RAPGEF4: variants seen among roughly 807,000 people sequenced by gnomAD.
RAPGEF4 encodes Rap guanine nucleotide exchange factor 4, also known as RAP guanine-nucleotide-exchange factor (GEF) 4.
A neutral mutation model predicts 147.9 loss-of-function variants in RAPGEF4; 66 were observed. That is an observed-to-expected ratio of 0.45 (90% CI 0.37 to 0.55). The LOEUF (loss-of-function observed/expected upper bound fraction) is 0.55, where lower values mean the gene tolerates loss of function less well. Ranked by LOEUF, RAPGEF4 falls within the 20% of genes least tolerant of loss-of-function variation. The probability of loss-of-function intolerance (pLI) is 0.00; values close to 1 mark genes in which losing one functional copy is unlikely to be tolerated. For synonymous variants in RAPGEF4, 419 were observed against 442.7 expected, an observed-to-expected ratio of 0.95 and a Z score of 0.67; for missense variants, 1,071 against 1,257.3, an observed-to-expected ratio of 0.85 and a Z score of 2.24.
intron 1 of RAPGEF4, among the ~76,000 whole-genome samples, chr2:172,772,666 T>A (rs1269037462): frequency 6.6e-6 from 1 of 152,222 alleles, no homozygotes; most frequent in Non-Finnish European, 1.5e-5. Context: ...TAAAATGAAA[T>A]GAGTTTGTTT....
intron 13 of RAPGEF4, 54 bp downstream of exon 13, chr2:172,988,326 G>C (rs1436446465): frequency 6.4e-7 from 1 of 1,558,312 alleles, no homozygotes; most frequent in African/African-American, 1.4e-5. Context: ...TACTAGTGTG[G>C]CTCTAAGTAT....
chr2:173,001,226 C>T (rs766037630), intron 16 of RAPGEF4, 40 bp from the exon 17 acceptor site: 11 of 1,609,854 alleles, frequency 6.8e-6, no homozygotes, highest in Non-Finnish European at 9.3e-6. Context: ...AAGATTTCCA[C>T]AAGAACCTAA....
intron 1 of RAPGEF4, among the ~76,000 whole-genome samples, chr2:172,792,474 G>A (rs915488234): frequency 1.3e-5 from 2 of 152,158 alleles, no homozygotes; most frequent in African/African-American, 4.8e-5. Flanking sequence ...CAGAGACTGG[G>A]CACACACACA....
At chr2:172,937,106 A>G (rs756151878) in intron 6 of RAPGEF4, among the ~76,000 whole-genome samples, 2 of 148,840 alleles carry the variant, frequency 1.3e-5, no homozygotes, top group Non-Finnish European at 3.0e-5. Flanking sequence ...TTGCAGTCCT[A>G]CCTACTTGGG....
chr2:172,898,823 G>C (rs891960514), intron 4 of RAPGEF4, among the ~76,000 whole-genome samples: 4 of 152,162 alleles, frequency 2.6e-5, no homozygotes, highest in Non-Finnish European at 5.9e-5. Context: ...TTTTTGTCCA[G>C]ATTAGCTGTG....
chr2:173,023,785 G>T (rs1696349480), intron 23 of RAPGEF4, among the ~76,000 whole-genome samples: 1 of 152,188 alleles, frequency 6.6e-6, no homozygotes, highest in African/African-American at 2.4e-5. Context: ...AAAAGAAGGA[G>T]CAAGGTGTAC....
At chr2:173,047,057 G>A (rs1166303771) in intron 29 of RAPGEF4, among the ~76,000 whole-genome samples, 1 of 152,132 alleles carries the variant, frequency 6.6e-6, no homozygotes, top group Non-Finnish European at 1.5e-5. Flanking sequence ...CTCTTTCCCT[G>A]GGTGGAGCCT....
At chr2:172,763,481 G>A (rs1360154415) in intron 1 of RAPGEF4, among the ~76,000 whole-genome samples, 4 of 152,106 alleles carry the variant, frequency 2.6e-5, no homozygotes, top group Non-Finnish European at 5.9e-5. Flanking sequence ...CATACACAGG[G>A]GAGATCAGAT....
intron 29 of RAPGEF4, among the ~76,000 whole-genome samples, chr2:173,038,882 G>T (rs981731833): frequency 9.2e-5 from 14 of 152,184 alleles, no homozygotes; most frequent in African/African-American, 3.4e-4. Context: ...TGAGTTTTGA[G>T]ATCTTGGTGT....
intron 29 of RAPGEF4, among the ~76,000 whole-genome samples, chr2:173,044,931 G>A (rs2012213): frequency 0.28 from 43,157 of 152,052 alleles, 6,606 homozygotes; most frequent in East Asian, 0.63. Context: ...CCGGCCTGGC[G>A]TTATAGAAAG....
chr2:172,899,842 C>A (rs1698884943), intron 4 of RAPGEF4, among the ~76,000 whole-genome samples: 2 of 152,116 alleles, frequency 1.3e-5, no homozygotes, highest in Admixed American at 1.3e-4. Flanking sequence ...AAGGAGAAGG[C>A]AGGCTGTGGA....
At position 172,951,173 on chromosome 2, in the gene RAPGEF4, A is replaced by G. The variant is rs551207571; in HGVS notation, c.538-9587A>G. ...ACTAGGAAGAGGGGAATTACTTAGTATTCCTCTCTGTCAGTAAGTTTCTAC... is the reference window on the plus strand; with the variant it reads ...ACTAGGAAGAGGGGAATTACTTAGTGTTCCTCTCTGTCAGTAAGTTTCTAC... On this transcript the variant is annotated intron_variant, in intron 6 of 30. Coordinates refer to ENST00000397081, the MANE Select transcript of RAPGEF4 (RefSeq NM_007023.4). 1.6e-4 allele frequency among the ~76,000 whole-genome samples: 24 copies of G among 152,362 alleles called. 1 individual carries two copies. The South Asian group carries it at 5.0e-3, about 32-fold the overall frequency.
At chr2:172,950,058 A>T (rs978092818) in intron 6 of RAPGEF4, among the ~76,000 whole-genome samples, 3 of 152,184 alleles carry the variant, frequency 2.0e-5, no homozygotes, top group African/African-American at 7.2e-5. Flanking sequence ...TGTTCTCTAT[A>T]CTTAGGTTTT....
chr2:172,744,504 C>A (rs1183924240), intron 1 of RAPGEF4: 1 of 442,106 alleles, frequency 2.3e-6, no homozygotes, highest in East Asian at 7.1e-5. Context: ...AGGAGTCAGA[C>A]TGTATAGGCT....
At chr2:172,753,152 A>G (rs1293952070) in intron 1 of RAPGEF4, among the ~76,000 whole-genome samples, 2 of 152,188 alleles carry the variant, frequency 1.3e-5, no homozygotes, top group Non-Finnish European at 2.9e-5. Flanking sequence ...AAAAATGGAC[A>G]TTACTTAGCC....
intron 23 of RAPGEF4, among the ~76,000 whole-genome samples, chr2:173,021,507 G>A (rs1696086599): frequency 6.6e-6 from 1 of 152,192 alleles, no homozygotes; most frequent in African/African-American, 2.4e-5. Flanking sequence ...AGAATGGCGT[G>A]AACCCGGGAG....
chr2:172,883,021 A>C (rs2149862309), intron 4 of RAPGEF4, among the ~76,000 whole-genome samples: 1 of 152,266 alleles, frequency 6.6e-6, no homozygotes, highest in Admixed American at 6.5e-5. Context: ...GCATGGAGTC[A>C]GAGTAGGGGA....
At chr2:172,827,716 C>T (rs913982883) in intron 4 of RAPGEF4, among the ~76,000 whole-genome samples, 1 of 152,132 alleles carries the variant, frequency 6.6e-6, no homozygotes, top group African/African-American at 2.4e-5. Flanking sequence ...GTCAAAATAA[C>T]CGTACCATAA....
chr2:172,995,515 G>A (rs1693268222), intron 15 of RAPGEF4, among the ~76,000 whole-genome samples: 1 of 152,074 alleles, frequency 6.6e-6, no homozygotes, highest in African/African-American at 2.4e-5. Context: ...TCTGAGCTCA[G>A]GCAATCCGCC....
Sources: allele counts gnomAD v4.1 joint callset (sites outside exome capture counted in the v4.1 genomes callset), GRCh38; gene constraint gnomAD v4.1.1; transcripts MANE v1.5; gene names NCBI Gene and HGNC (gene_info 2026-07-23, HGNC 2026-07-21).